The following KDM6A variants were observed in gnomAD, a reference collection of about 807,000 sequenced individuals.
KDM6A encodes the protein lysine-specific demethylase 6A.
Under a neutral mutation model 117.6 loss-of-function variants are expected in KDM6A, and 11 were observed. The ratio of observed to expected loss-of-function variants is 0.09; its 90% confidence interval spans 0.06 to 0.15. KDM6A has a LOEUF of 0.15. KDM6A is among the 10% of genes least tolerant of loss of function. The pLI, the probability that KDM6A is intolerant of heterozygous loss-of-function variation, is 1.00. For synonymous variants in KDM6A, 384 were observed against 396.1 expected (o/e 0.97, Z 0.36); for missense variants, 799 against 1,077.3 (o/e 0.74, Z 3.62).
In KDM6A at chrX:44,917,732, T is replaced by C. The variant is rs1369507886; in HGVS notation, c.226-43552T>C. Reference sequence around the variant, plus strand: ...AGGTTCAGAGTGTTTTAAGTGGCTTTACTAAGATCTCACAGTTACCAGATG... The same window carrying C: ...AGGTTCAGAGTGTTTTAAGTGGCTTCACTAAGATCTCACAGTTACCAGATG... On this transcript the variant is annotated intron_variant, in intron 2 of 29. Coordinates refer to ENST00000611820, the MANE Select transcript of KDM6A (RefSeq NM_001291415.2). Among the ~76,000 whole-genome samples the C allele has an allele frequency of 7.1e-5, 8 of 112,140 alleles. No individual in the cohort carries two copies. In the Admixed American group the frequency reaches 7.6e-4, roughly 11 times the overall value.
intron 2 of KDM6A, among the ~76,000 whole-genome samples, chrX:44,894,052 A>T (rs2033603879): frequency 9.0e-6 from 1 of 111,729 alleles, no homozygotes; most frequent in African/African-American, 3.3e-5. Flanking sequence ...TTTGTTGAGA[A>T]TTTTTGTGTA....
rs112134503 is a variant in KDM6A at position 45,085,667 on chromosome X, G to A, written c.3590-198G>A. Among the ~76,000 whole-genome samples, 4,562 of 111,865 alleles carry A rather than the reference G, an allele frequency of 0.041. 84 individuals are homozygous for A. The highest frequency in any genetic ancestry group is 0.083 in the Middle Eastern group (18 of 216). On this transcript the variant is annotated intron_variant, in intron 24 of 29. Coordinates refer to ENST00000611820, the MANE Select transcript of KDM6A (RefSeq NM_001291415.2). ...GAAGCTCTTACTGAGTATGTTAGGAGTTGACACAAAAATGCTACAGTGATG... is the reference window on the plus strand; with the variant it reads ...GAAGCTCTTACTGAGTATGTTAGGAATTGACACAAAAATGCTACAGTGATG...
intron 4 of KDM6A, among the ~76,000 whole-genome samples, chrX:44,996,199 A>G (rs1296211086): frequency 9.1e-6 from 1 of 110,326 alleles, no homozygotes; most frequent in South Asian, 4.0e-4. Context: ...TAGCCTCTCA[A>G]GTAGCTAGGA....
rs17147065 is a variant in KDM6A at position 45,024,991 on chromosome X, T to C, written c.564+4261T>C. Among the ~76,000 whole-genome samples, 662 of 112,272 alleles carry C rather than the reference T, an allele frequency of 5.9e-3. 5 individuals carry two copies. The highest frequency in any genetic ancestry group is 0.02 in the African/African-American group (623 of 30,962). On this transcript the variant is annotated intron_variant, in intron 6 of 29. Transcript: ENST00000611820. ...ACATTAAATTGACCAATAAAGATTG[T>C]ATGTGTTTAGTGAGCAGTGGAGATA...
chrX:44,879,947 C>T lies in KDM6A; in HGVS notation c.225+5960C>T, dbSNP rs190125919. Among the ~76,000 whole-genome samples, 72 of 110,258 alleles carry T rather than the reference C, an allele frequency of 6.5e-4. 1 individual carries two copies. The highest frequency in any genetic ancestry group is 2.2e-3 in the African/African-American group (68 of 30,276). ...CAGCACTTTGGGAGGCTGAGGTGGG[C>T]GGATCACTTGAGGTCAGGAGTTTGA... On this transcript the variant is annotated intron_variant, in intron 2 of 29. Transcript: ENST00000611820.
At chrX:44,884,391 G>A (rs2032641675) in intron 2 of KDM6A, among the ~76,000 whole-genome samples, 1 of 111,143 alleles carries the variant, frequency 9.0e-6, no homozygotes, top group African/African-American at 3.3e-5. Context: ...CTTCAGTACC[G>A]ATGGGTAGAT....
intron 8 of KDM6A, among the ~76,000 whole-genome samples, chrX:45,038,600 G>A (rs900072622): frequency 9.3e-6 from 1 of 107,892 alleles, no homozygotes; most frequent in Non-Finnish European, 1.9e-5. Flanking sequence ...ATTTGGGGGG[G>A]GGTGGTTGGA....
rs587778421 is a variant in KDM6A at position 45,053,895 on chromosome X, A to G, written c.815A>G (p.Tyr272Cys). 4.2e-6 allele frequency: 5 copies of G among 1,203,944 alleles called. No individual in the cohort carries two copies. The highest frequency in any genetic ancestry group is 5.6e-6 in the Non-Finnish European group (5 of 888,231). The stretch of plus-strand genomic sequence containing the variant: ...ACCAAGGAAAGCTATGCTATTCAGT[A>G]TCTCCAAAAGTCCTTGGAAGCAGAT... ...KATKESYAIQ[Y>C]LQKSLEADPN... Residue 272 changes from tyrosine to cysteine, a missense_variant, in exon 10 of 30, where the codon TAT (tyrosine) becomes TGT (cysteine). Physicochemically the swap from Tyr to Cys is radical, Grantham distance 194. Coordinates refer to ENST00000611820, the MANE Select transcript of KDM6A (RefSeq NM_001291415.2).
intron 2 of KDM6A, among the ~76,000 whole-genome samples, chrX:44,957,320 G>A (rs1460088579): frequency 9.0e-6 from 1 of 111,515 alleles, no homozygotes; most frequent in Non-Finnish European, 1.9e-5. Context: ...TTTAAATGTT[G>A]CATATATTTA....
chrX:45,082,482 T>G (rs2045455437), intron 21 of KDM6A, 94 bp from the exon 22 acceptor site: 1 of 583,524 alleles, frequency 1.7e-6, no homozygotes, highest in Non-Finnish European at 2.9e-6. Flanking sequence ...AATAATACTA[T>G]TCAATCTAGA....
At chrX:45,089,981 C>G (rs2045821658) in intron 26 of KDM6A, 51 bp downstream of exon 26, 3 of 990,321 alleles carry the variant, frequency 3.0e-6, no homozygotes, top group Non-Finnish European at 4.2e-6. Flanking sequence ...GGATTATATC[C>G]AATAGGACTG....
At chrX:44,911,846 G>A (rs899881003) in intron 2 of KDM6A, among the ~76,000 whole-genome samples, 1 of 111,770 alleles carries the variant, frequency 8.9e-6, no homozygotes, top group African/African-American at 3.3e-5. Flanking sequence ...CCAACACAGC[G>A]AAACCCCGTC....
Position 44,927,847 on chromosome X carries a change from A to G in KDM6A, c.226-33437A>G, listed in dbSNP as rs749878961. Among the ~76,000 whole-genome samples, 3 of 112,038 alleles carry G rather than the reference A, an allele frequency of 2.7e-5. No individual in the cohort carries two copies. The East Asian group carries it at 8.4e-4, about 31-fold the overall frequency. ...AGTAAAAAACAGAAGACAACTAACCAGAGACATCAGTGGTCATACACTATT... is the reference window on the plus strand; with the variant it reads ...AGTAAAAAACAGAAGACAACTAACCGGAGACATCAGTGGTCATACACTATT... On this transcript the variant is annotated intron_variant, in intron 2 of 29. Coordinates refer to ENST00000611820, the MANE Select transcript of KDM6A (RefSeq NM_001291415.2).
At chrX:44,978,247 ATTTAAG>A (rs1232609902) in intron 4 of KDM6A, among the ~76,000 whole-genome samples, 1 of 112,488 alleles carries the variant, frequency 8.9e-6, no homozygotes, top group East Asian at 2.8e-4. Flanking sequence ...TGTGAACAAT[ATTTAAG>A]ATTATCTTTT....
intron 4 of KDM6A, among the ~76,000 whole-genome samples, chrX:44,986,116 C>G (rs2040210836): frequency 9.0e-6 from 1 of 111,662 alleles, no homozygotes. Flanking sequence ...AGAGATTCAA[C>G]TTCTTCCTGG....
At chrX:45,095,858 T>A (rs1186956314) in intron 27 of KDM6A, among the ~76,000 whole-genome samples, 1 of 112,251 alleles carries the variant, frequency 8.9e-6, no homozygotes, top group African/African-American at 3.2e-5. Context: ...CTACCTTTTT[T>A]AAGCCTAGCA....
At chrX:44,933,063 T>A (rs1272748745) in intron 2 of KDM6A, among the ~76,000 whole-genome samples, 1 of 107,119 alleles carries the variant, frequency 9.3e-6, no homozygotes, top group Non-Finnish European at 1.9e-5. Context: ...AATTTTTTTA[T>A]TTTTAGTAGA....
At chrX:44,967,021 C>T (rs1475412453) in intron 3 of KDM6A, among the ~76,000 whole-genome samples, 1 of 110,029 alleles carries the variant, frequency 9.1e-6, no homozygotes, top group Non-Finnish European at 1.9e-5. Flanking sequence ...AGGCGCCCGC[C>T]ACCACGCCCG....
chrX:44,986,986 G>T (rs1429708171), intron 4 of KDM6A, among the ~76,000 whole-genome samples: 1 of 111,186 alleles, frequency 9.0e-6, no homozygotes, highest in African/African-American at 3.3e-5. Context: ...CTGTCTTGTT[G>T]ATCTGGCTAA....
Sources: gnomAD v4.1 joint callset for allele counts (sites outside exome capture counted in the v4.1 genomes callset) on GRCh38, gnomAD v4.1.1 for gene constraint, MANE v1.5 for transcripts, NCBI Gene and HGNC (gene_info 2026-07-23, HGNC 2026-07-21) for gene names.